The following DPYD variants were observed in gnomAD, a reference collection of about 807,000 sequenced individuals.
The protein encoded by DPYD is dihydropyrimidine dehydrogenase [NADP(+)].
DPYD carries 109 observed loss-of-function variants against 116.2 expected under a neutral mutation model. The ratio of observed to expected loss-of-function variants is 0.94; its 90% CI spans 0.80 to 1.10. The LOEUF (loss-of-function observed/expected upper bound fraction) is 1.10. Ranked by LOEUF, DPYD falls within the 50% of genes least tolerant of loss-of-function variation. The probability of loss-of-function intolerance (pLI) is 0.00; values close to 1 mark genes in which losing one functional copy is unlikely to be tolerated. For missense variants in DPYD, 1,302 were observed against 1,254.5 expected (o/e 1.04, Z -0.57); for synonymous variants, 440 against 432.0 (o/e 1.02, Z -0.23).
rs373584691 is a variant in DPYD, at chr1:97,427,943, G to T, written c.1905+22116C>A. On this transcript the variant is annotated intron_variant, in intron 14 of 22. Coordinates refer to ENST00000370192, the MANE Select transcript of DPYD (RefSeq NM_000110.4). ...GATCTCATATATTTTCCAAGCATGA[G>T]ATCCCACTGGTTTCTCTTATGTGCA... 1.8e-4 allele frequency among the ~76,000 whole-genome samples: 28 copies of T among 152,166 alleles called. No homozygotes were observed. In the South Asian group the frequency reaches 5.4e-3, roughly 29 times the overall value.
chr1:97,713,976 G>T (rs1662448574), intron 5 of DPYD, among the ~76,000 whole-genome samples: 1 of 151,884 alleles, frequency 6.6e-6, no homozygotes, highest in African/African-American at 2.4e-5. Context: ...AAAGTTATTA[G>T]CTATATATAT....
intron 18 of DPYD, among the ~76,000 whole-genome samples, chr1:97,275,816 C>T (rs374377262): frequency 6.6e-6 from 1 of 152,130 alleles, no homozygotes; most frequent in Non-Finnish European, 1.5e-5. Flanking sequence ...TTCCTGTTAG[C>T]TTCCTCTCTC....
At chr1:97,302,540 T>A (rs549681198) in intron 18 of DPYD, among the ~76,000 whole-genome samples, 2 of 152,110 alleles carry the variant, frequency 1.3e-5, no homozygotes, top group South Asian at 4.1e-4. Flanking sequence ...GATAAGACCT[T>A]GGAGTGAGGT....
chr1:97,154,030 C>G (rs59037549), intron 20 of DPYD, among the ~76,000 whole-genome samples: 46,073 of 149,794 alleles, frequency 0.31, 8,043 homozygotes, highest in East Asian at 0.65. Flanking sequence ...AAAGGGAACA[C>G]TTTTGCACTG....
chr1:97,753,298 T>A (rs1299595592), intron 3 of DPYD, among the ~76,000 whole-genome samples: 2 of 152,172 alleles, frequency 1.3e-5, no homozygotes, highest in African/African-American at 2.4e-5. Flanking sequence ...ATTTGTATGA[T>A]CCTGATAATC....
intron 14 of DPYD, among the ~76,000 whole-genome samples, chr1:97,432,958 C>A (rs1369345332): frequency 6.6e-6 from 1 of 152,076 alleles, no homozygotes; most frequent in Non-Finnish European, 1.5e-5. Flanking sequence ...ACTTTCTGAA[C>A]CAAGGGATAT....
At chr1:97,824,708 C>T (rs1468329033) in intron 3 of DPYD, among the ~76,000 whole-genome samples, 1 of 152,184 alleles carries the variant, frequency 6.6e-6, no homozygotes, top group Admixed American at 6.5e-5. Flanking sequence ...CATTATATTT[C>T]AGTCTAGTCT....
chr1:97,593,870 G>A (rs904895207), intron 9 of DPYD, among the ~76,000 whole-genome samples: 5 of 151,956 alleles, frequency 3.3e-5, no homozygotes, highest in African/African-American at 9.7e-5. Flanking sequence ...GAATATTAAC[G>A]TGCTGAATAA....
intron 5 of DPYD, among the ~76,000 whole-genome samples, chr1:97,702,625 T>C (rs937160837): frequency 2.6e-5 from 4 of 152,040 alleles, no homozygotes; most frequent in African/African-American, 9.6e-5. Context: ...TTCATTATAA[T>C]ATGAAGTTAC....
intron 5 of DPYD, among the ~76,000 whole-genome samples, chr1:97,699,812 T>C (rs1441311802): frequency 1.3e-5 from 2 of 151,848 alleles, no homozygotes; most frequent in East Asian, 3.9e-4. Flanking sequence ...GTACATTAAG[T>C]GCCTCTCCTC....
intron 3 of DPYD, among the ~76,000 whole-genome samples, chr1:97,753,236 T>C (rs1303445802): frequency 3.3e-5 from 5 of 152,176 alleles, no homozygotes; most frequent in Non-Finnish European, 4.4e-5. Context: ...GAAAAAGATA[T>C]TAAGGCACAA....
intron 3 of DPYD, among the ~76,000 whole-genome samples, chr1:97,768,139 C>T (rs1557946183): frequency 6.6e-6 from 1 of 152,168 alleles, no homozygotes; most frequent in Non-Finnish European, 1.5e-5. Context: ...TAAATATGTA[C>T]ATGTATCTCT....
chr1:97,484,999 C>T (rs137937488), intron 13 of DPYD, among the ~76,000 whole-genome samples: 1 of 152,118 alleles, frequency 6.6e-6, no homozygotes, highest in Non-Finnish European at 1.5e-5. Flanking sequence ...CTTTTAAGGG[C>T]TTTTCTTTGT....
intron 2 of DPYD, among the ~76,000 whole-genome samples, chr1:97,860,780 A>C (rs1409247410): frequency 1.3e-5 from 2 of 152,034 alleles, no homozygotes; most frequent in Non-Finnish European, 2.9e-5. Context: ...CTAGTAATTA[A>C]AAAAATCACA....
At chr1:97,209,338 T>C (rs1249332914) in intron 19 of DPYD, among the ~76,000 whole-genome samples, 5 of 152,206 alleles carry the variant, frequency 3.3e-5, no homozygotes, top group African/African-American at 1.2e-4. Context: ...ATTTTGAATC[T>C]GCTTATAATC....
chr1:97,761,054 T>C (rs545549461), intron 3 of DPYD, among the ~76,000 whole-genome samples: 2 of 152,042 alleles, frequency 1.3e-5, no homozygotes, highest in Admixed American at 6.5e-5. Flanking sequence ...GTGGTTTCCA[T>C]AGATAAAACA....
At chr1:97,248,796 T>C (rs1037548037) in intron 18 of DPYD, among the ~76,000 whole-genome samples, 1 of 152,214 alleles carries the variant, frequency 6.6e-6, no homozygotes, top group African/African-American at 2.4e-5. Context: ...ACTTTCTATA[T>C]ACTCTATTCC....
rs116506241 is a variant in DPYD at position 97,372,063 on chromosome 1, T to C, written c.2058+1498A>G. Among the ~76,000 whole-genome samples, 422 of 152,334 alleles carry C rather than the reference T, an allele frequency of 2.8e-3. 2 individuals are homozygous for C. The highest frequency in any genetic ancestry group is 9.8e-3 in the African/African-American group (408 of 41,586). On this transcript the variant is annotated intron_variant, in intron 16 of 22. Transcript: ENST00000370192. ...CTGAGTAAATTCAGATGTGCTCATA[T>C]AGCAAAAGCCTACTCCAAAAAATAA... is the stretch of plus-strand genomic sequence containing the variant.
chr1:97,130,929 CTCTCTA>C (rs1653294073), intron 20 of DPYD, among the ~76,000 whole-genome samples: 1 of 136,788 alleles, frequency 7.3e-6, no homozygotes, highest in Non-Finnish European at 1.6e-5. Flanking sequence ...CTCTTTCTCT[CTCTCTA>C]TCTATCTATC....
Sources: gnomAD v4.1 joint callset for allele counts (sites outside exome capture counted in the v4.1 genomes callset) on GRCh38, gnomAD v4.1.1 for gene constraint, MANE v1.5 for transcripts, NCBI Gene and HGNC (gene_info 2026-07-23, HGNC 2026-07-21) for gene names.